Variants in DAAM1 observed in about 807,000 individuals in gnomAD.
The protein encoded by DAAM1 is disheveled-associated activator of morphogenesis 1.
Under a neutral mutation model 130.0 loss-of-function variants are expected in DAAM1, and 52 were observed. That is an observed-to-expected ratio of 0.40 (90% CI 0.32 to 0.50). The LOEUF (loss-of-function observed/expected upper bound fraction) is 0.50. Ranked by LOEUF, DAAM1 falls within the 20% of genes least tolerant of loss-of-function variation. The pLI, the probability that DAAM1 is intolerant of heterozygous loss-of-function variation, is 0.61. For synonymous variants in DAAM1, 452 were observed against 444.5 expected, an observed-to-expected ratio of 1.02 and a Z score of -0.21; for missense variants, 1,134 against 1,303.8, an observed-to-expected ratio of 0.87 and a Z score of 2.01.
chr14:59,339,541 A>G (rs1440158270), intron 15 of DAAM1, among the ~76,000 whole-genome samples: 2 of 152,144 alleles, frequency 1.3e-5, no homozygotes, highest in African/African-American at 2.4e-5. Flanking sequence ...CCCATTGTCC[A>G]TCAGGCTCTG....
intron 15 of DAAM1, among the ~76,000 whole-genome samples, chr14:59,338,602 G>C (rs1433335989): frequency 1.3e-5 from 2 of 152,050 alleles, no homozygotes; most frequent in East Asian, 1.9e-4. Context: ...TGAAATTTTA[G>C]CATGAGACAG....
At chr14:59,304,269 A>ATT (rs1470529725) in intron 3 of DAAM1, among the ~76,000 whole-genome samples, 1 of 152,208 alleles carries the variant, frequency 6.6e-6, no homozygotes, top group African/African-American at 2.4e-5. Context: ...TCTTTCCTAT[A>ATT]TATATTTTTT....
At chr14:59,191,832 CCCAGAAGAG>C (rs1887738413) in intron 1 of DAAM1, among the ~76,000 whole-genome samples, 1 of 152,098 alleles carries the variant, frequency 6.6e-6, no homozygotes, top group African/African-American at 2.4e-5. Flanking sequence ...ACCAGTGTCT[CCCAGAAGAG>C]CTGGGAGACA....
intron 1 of DAAM1, among the ~76,000 whole-genome samples, chr14:59,189,358 T>A (rs1383001025): frequency 1.3e-5 from 2 of 152,290 alleles, no homozygotes; most frequent in Non-Finnish European, 2.9e-5. Context: ...CAGACTAAGT[T>A]GGACCTAAAT....
At chr14:59,193,054 AAACAACAACAAC>A (rs34240731) in intron 1 of DAAM1, among the ~76,000 whole-genome samples, 185 of 151,760 alleles carry the variant, frequency 1.2e-3, no homozygotes, top group Non-Finnish European at 2.1e-3. Context: ...CTCCGTCTCA[AAACAACAACAAC>A]AACAACAACA....
intron 16 of DAAM1, among the ~76,000 whole-genome samples, chr14:59,346,870 T>A (rs1412250624): frequency 1.3e-5 from 2 of 152,228 alleles, no homozygotes; most frequent in East Asian, 3.8e-4. Flanking sequence ...GTATTTTTGC[T>A]TAAATCCTTC....
chr14:59,237,452 T>C (rs967006153), intron 1 of DAAM1, among the ~76,000 whole-genome samples: 21 of 152,174 alleles, frequency 1.4e-4, no homozygotes, highest in Non-Finnish European at 5.9e-5. Flanking sequence ...CTGAGCAAGC[T>C]AAACAATATA....
chr14:59,210,106 C>G (rs1888382444), intron 1 of DAAM1, among the ~76,000 whole-genome samples: 1 of 152,166 alleles, frequency 6.6e-6, no homozygotes, highest in Non-Finnish European at 1.5e-5. Flanking sequence ...ACAGCCAGTG[C>G]ACCCCAGCCC....
At chr14:59,308,127 C>A (rs1884441663) in intron 3 of DAAM1, among the ~76,000 whole-genome samples, 1 of 152,180 alleles carries the variant, frequency 6.6e-6, no homozygotes, top group Non-Finnish European at 1.5e-5. Flanking sequence ...GGATAGAAAT[C>A]TTCCCTCTCA....
intron 2 of DAAM1, among the ~76,000 whole-genome samples, chr14:59,288,537 GAATCT>G (rs1388064642): frequency 6.6e-6 from 1 of 152,042 alleles, no homozygotes; most frequent in Non-Finnish European, 1.5e-5. Flanking sequence ...CTAATATCCA[GAATCT>G]ACAAGAAATC....
intron 1 of DAAM1, among the ~76,000 whole-genome samples, chr14:59,248,948 C>T (rs372540110): frequency 2.6e-5 from 4 of 152,208 alleles, no homozygotes; most frequent in East Asian, 3.9e-4. Flanking sequence ...CCACCACGCC[C>T]GGCTAATTTT....
chr14:59,331,209 A>T lies in DAAM1; in HGVS notation c.1561A>T (p.Arg521Trp), dbSNP rs764427002. 5 of 1,611,834 alleles carry T rather than the reference A, an allele frequency of 3.1e-6. No homozygotes were observed. Among genetic ancestry groups the T allele is most frequent in the Non-Finnish European group, 4.2e-6 (5 of 1,179,694 alleles). Reference protein sequence around the residue: ...LTAQLHELSRRAVCASIPGGP... With the variant: ...LTAQLHELSRWAVCASIPGGP... ...TCTTTTCCTATTTTTATCTTTTCAG[A>T]GGGCCGTCTGTGCTTCAATCCCAGG... Residue 521 changes from arginine to tryptophan, a missense_variant and splice_region_variant, in exon 14 of 25, where the codon AGG (arginine) becomes TGG (tryptophan). This residue lies in a region of DAAM1 where 644 missense variants were observed against 695.9 expected (regional missense o/e 0.93). Coordinates refer to ENST00000360909, the MANE Select transcript of DAAM1 (RefSeq NM_001270520.2).
chr14:59,322,519 T>G (rs1341079229), intron 5 of DAAM1, among the ~76,000 whole-genome samples: 1 of 150,140 alleles, frequency 6.7e-6, no homozygotes. Context: ...AAAAAAGGAT[T>G]GGGGTGGGGG....
intron 12 of DAAM1, 34 bp downstream of exon 12, chr14:59,327,025 A>G (rs771925368): frequency 1.2e-5 from 20 of 1,611,274 alleles, no homozygotes; most frequent in Non-Finnish European, 1.6e-5. Context: ...AGGCTGTGTT[A>G]TTGGTTATTG....
At chr14:59,244,592 A>G (rs1690117428) in intron 1 of DAAM1, among the ~76,000 whole-genome samples, 1 of 152,206 alleles carries the variant, frequency 6.6e-6, no homozygotes, top group African/African-American at 2.4e-5. Context: ...ATGGAAATAT[A>G]CAAATTAGTA....
intron 15 of DAAM1, 43 bp downstream of exon 15, chr14:59,331,963 C>A (rs1885459280): frequency 1.3e-6 from 2 of 1,528,030 alleles, no homozygotes; most frequent in Middle Eastern, 3.4e-4. Context: ...GTAGAAAAAT[C>A]ATGTCTTATG....
rs149571183 is a variant in DAAM1, at chr14:59,329,595, T to C, written c.1373-906T>C. ...GTGGGTTATACCTCTAGTGGATTTATTGATATAAAAAGAATAGGAATTGGG... is the reference window on the plus strand; with the variant it reads ...GTGGGTTATACCTCTAGTGGATTTACTGATATAAAAAGAATAGGAATTGGG... On this transcript the variant is annotated intron_variant, in intron 12 of 24. Transcript: ENST00000360909. Among the ~76,000 whole-genome samples the C allele has an allele frequency of 2.0e-5, 3 of 152,358 alleles. No individual in the cohort carries two copies. The East Asian group carries it at 5.8e-4, about 29-fold the overall frequency.
chr14:59,299,838 G>A (rs927409969), intron 3 of DAAM1: 1 of 152,050 alleles, frequency 6.6e-6, no homozygotes, highest in Non-Finnish European at 1.5e-5. Flanking sequence ...TTATATTTGG[G>A]AAGTCTCTGG....
chr14:59,345,658 T>C (rs1886045053), intron 16 of DAAM1, among the ~76,000 whole-genome samples: 1 of 152,224 alleles, frequency 6.6e-6, no homozygotes, highest in Non-Finnish European at 1.5e-5. Flanking sequence ...TCTTCTTTGC[T>C]GCCTTTGAGT....
Sources: allele counts gnomAD v4.1 joint callset (sites outside exome capture counted in the v4.1 genomes callset), GRCh38; gene constraint gnomAD v4.1.1; regional missense constraint gnomAD v4.1.1; transcripts MANE v1.5; gene names NCBI Gene and HGNC (gene_info 2026-07-23, HGNC 2026-07-21).